Variants in LDB2 observed in about 807,000 individuals in gnomAD.
LDB2 encodes the protein LIM domain-binding protein 2.
LDB2 carries 12 observed loss-of-function variants against 44.3 expected under a neutral mutation model. The observed-to-expected ratio is 0.27, with a 90% CI of 0.17 to 0.44. The LOEUF is 0.44. Among genes scored for constraint, LDB2 ranks in the 20% least tolerant of loss-of-function variants. The pLI is 1.00. For missense variants in LDB2, 344 were observed against 473.5 expected, an observed-to-expected ratio of 0.73 and a Z score of 2.54; for synonymous variants, 164 against 174.8, an observed-to-expected ratio of 0.94 and a Z score of 0.49.
intron 2 of LDB2, among the ~76,000 whole-genome samples, chr4:16,630,097 G>A (rs893781054): frequency 6.6e-6 from 1 of 152,138 alleles, no homozygotes; most frequent in Non-Finnish European, 1.5e-5. Context: ...ACACCACAAA[G>A]ATACTCCCTG....
intron 1 of LDB2, among the ~76,000 whole-genome samples, chr4:16,890,626 GACC>G (rs1409385025): frequency 2.0e-5 from 3 of 152,184 alleles, no homozygotes. Flanking sequence ...CTCCAGGACA[GACC>G]ATACAGTGAA....
chr4:16,503,660 C>T (rs1195743556), intron 7 of LDB2, among the ~76,000 whole-genome samples: 3 of 152,132 alleles, frequency 2.0e-5, no homozygotes, highest in African/African-American at 7.2e-5. Context: ...CCCATCTGGG[C>T]AGTAAAGAGA....
chr4:16,592,349 G>T (rs183250295), intron 3 of LDB2, among the ~76,000 whole-genome samples: 15 of 151,818 alleles, frequency 9.9e-5, no homozygotes, highest in Admixed American at 4.6e-4. Flanking sequence ...TTCTGAGTTT[G>T]TATGCTTGGA....
chr4:16,731,150 G>C (rs1561024640), intron 2 of LDB2, among the ~76,000 whole-genome samples: 1 of 152,154 alleles, frequency 6.6e-6, no homozygotes, highest in Non-Finnish European at 1.5e-5. Flanking sequence ...ATGGTGTGCT[G>C]GCTGCACAGG....
chr4:16,579,846 T>TA (rs1046613740), intron 5 of LDB2, among the ~76,000 whole-genome samples: 25 of 152,204 alleles, frequency 1.6e-4, no homozygotes, highest in Non-Finnish European at 1.5e-5. Context: ...ACTGGGTACT[T>TA]ACGTGTCTTC....
chr4:16,610,045 G>T (rs1725176331), intron 2 of LDB2, among the ~76,000 whole-genome samples: 1 of 152,000 alleles, frequency 6.6e-6, no homozygotes, highest in Non-Finnish European at 1.5e-5. Flanking sequence ...GACATCTCCA[G>T]GCATGGGAGC....
intron 1 of LDB2, among the ~76,000 whole-genome samples, chr4:16,845,639 G>GCAAT (rs1786822386): frequency 6.6e-6 from 1 of 152,172 alleles, no homozygotes; most frequent in Non-Finnish European, 1.5e-5. Flanking sequence ...AAGACCAGAA[G>GCAAT]CAATACTAAT....
At chr4:16,635,149 G>A (rs1017296379) in intron 2 of LDB2, among the ~76,000 whole-genome samples, 2 of 152,022 alleles carry the variant, frequency 1.3e-5, no homozygotes, top group African/African-American at 4.8e-5. Context: ...CAGGGGGTGG[G>A]GAGCAAGGGG....
At chr4:16,889,083 A>T (rs937053737) in intron 1 of LDB2, among the ~76,000 whole-genome samples, 6 of 136,894 alleles carry the variant, frequency 4.4e-5, no homozygotes, top group East Asian at 2.0e-4. Context: ...TCTCTCTCTC[A>T]CACACATAAA....
intron 5 of LDB2, among the ~76,000 whole-genome samples, chr4:16,517,883 A>G (rs199758714): frequency 1.6e-4 from 2 of 12,222 alleles, no homozygotes; most frequent in Admixed American, 5.8e-4. Context: ...GAATGAGTGG[A>G]TGGATGGATG....
chr4:16,633,094 A>G (rs937079172), intron 2 of LDB2, among the ~76,000 whole-genome samples: 1 of 152,234 alleles, frequency 6.6e-6, no homozygotes, highest in African/African-American at 2.4e-5. Context: ...ACACCATGGA[A>G]TACTACGCAG....
At chr4:16,641,540 G>A (rs939566985) in intron 2 of LDB2, among the ~76,000 whole-genome samples, 2 of 152,132 alleles carry the variant, frequency 1.3e-5, no homozygotes, top group African/African-American at 4.8e-5. Flanking sequence ...GCAGAAACAG[G>A]TGCATCACAT....
intron 1 of LDB2, among the ~76,000 whole-genome samples, chr4:16,872,626 T>C (rs1387777206): frequency 3.9e-5 from 6 of 152,180 alleles, no homozygotes; most frequent in African/African-American, 1.4e-4. Context: ...ATGAGAGCAA[T>C]AGACCTTCTC....
At chr4:16,568,576 C>T (rs1231851961) in intron 5 of LDB2, among the ~76,000 whole-genome samples, 2 of 152,136 alleles carry the variant, frequency 1.3e-5, no homozygotes, top group African/African-American at 4.8e-5. Context: ...TTCTTAATTG[C>T]AAGCCAGAGT....
At chr4:16,660,736 C>T (rs1187598022) in intron 2 of LDB2, among the ~76,000 whole-genome samples, 2 of 152,206 alleles carry the variant, frequency 1.3e-5, no homozygotes, top group Non-Finnish European at 2.9e-5. Flanking sequence ...ATGACATCAA[C>T]AATCCCTGGA....
At chr4:16,528,805 TA>T (rs1390951767) in intron 5 of LDB2, among the ~76,000 whole-genome samples, 4 of 152,178 alleles carry the variant, frequency 2.6e-5, no homozygotes, top group Admixed American at 2.6e-4. Flanking sequence ...AACAGACGTA[TA>T]GGGGCTTCAT....
chr4:16,699,869 C>A (rs1004951689), intron 2 of LDB2, among the ~76,000 whole-genome samples: 2 of 152,162 alleles, frequency 1.3e-5, no homozygotes, highest in Non-Finnish European at 2.9e-5. Flanking sequence ...GCGAACGCTG[C>A]ATCCACTTAG....
intron 2 of LDB2, among the ~76,000 whole-genome samples, chr4:16,756,417 C>T (rs1236102309): frequency 1.3e-5 from 2 of 152,102 alleles, no homozygotes; most frequent in Admixed American, 6.5e-5. Flanking sequence ...CACACCACTG[C>T]ACCCCAGCCT....
chr4:16,675,690 ACTAT>A (rs1441515624), intron 2 of LDB2, among the ~76,000 whole-genome samples: 2 of 152,194 alleles, frequency 1.3e-5, no homozygotes, highest in African/African-American at 4.8e-5. Flanking sequence ...TACCTTTAAC[ACTAT>A]CTATGTCTTA....
Sources: gnomAD v4.1 joint callset for allele counts (sites outside exome capture counted in the v4.1 genomes callset) on GRCh38, gnomAD v4.1.1 for gene constraint, MANE v1.5 for transcripts, NCBI Gene and HGNC (gene_info 2026-07-23, HGNC 2026-07-21) for gene names.